ZC2HC1B: variants seen among roughly 807,000 people sequenced by gnomAD.
The protein encoded by ZC2HC1B is zinc finger C2HC-type containing 1B.
In ZC2HC1B, 36 loss-of-function variants were observed where a neutral mutation model predicts 31.0. That is an observed-to-expected ratio of 1.16 (90% CI 0.89 to 1.54). The LOEUF (loss-of-function observed/expected upper bound fraction) is 1.54. ZC2HC1B is among the 40% of genes most tolerant of loss of function. The probability of loss-of-function intolerance (pLI) is 0.00; values close to 1 mark genes in which losing one functional copy is unlikely to be tolerated. For synonymous variants in ZC2HC1B, 73 were observed against 88.0 expected, an observed-to-expected ratio of 0.83 and a Z score of 0.95; for missense variants, 260 against 268.6, an observed-to-expected ratio of 0.97 and a Z score of 0.22.
At position 143,922,286 on chromosome 6, in the gene ZC2HC1B, T is replaced by A. The variant is rs981591361; in HGVS notation, c.599-15363T>A. On this transcript the variant is annotated intron_variant, in intron 6 of 7. Coordinates refer to ENST00000237275, the MANE Select transcript of ZC2HC1B (RefSeq NM_001013623.3). This position sits in a 1 kb window ranked among gnomAD's most constrained non-coding sequence, Gnocchi z 5.0. ...TGATCAAATCAGGGTATTTAAGATA[T>A]CTATGACCTCAAACATTTATTATTT... is the stretch of plus-strand genomic sequence containing the variant. Among the ~76,000 whole-genome samples the A allele has an allele frequency of 6.6e-6, 1 of 152,218 alleles. No homozygotes were observed. The highest frequency in any genetic ancestry group is 1.5e-5 in the Non-Finnish European group (1 of 68,036).
chr6:143,880,718 A>G (rs1000083456), intron 1 of ZC2HC1B, among the ~76,000 whole-genome samples: 1 of 152,068 alleles, frequency 6.6e-6, no homozygotes, highest in African/African-American at 2.4e-5. Flanking sequence ...ACAAATGAGC[A>G]TGGCTGTGTT....
chr6:143,865,921 T>G lies in ZC2HC1B; in HGVS notation c.28+1354T>G, dbSNP rs768073496. On this transcript the variant is annotated intron_variant, in intron 1 of 7. Transcript: ENST00000237275. This position sits in a 1 kb window ranked among gnomAD's most constrained non-coding sequence, Gnocchi z 4.4. ...ACCTCCAACTCCCGGGTTCAGGCGA[T>G]TCCCCTGCCTCAGCCTCCCGAGTAG... Among the ~76,000 whole-genome samples the G allele has an allele frequency of 6.6e-6, 1 of 152,230 alleles. No homozygotes were observed. The highest frequency in any genetic ancestry group is 6.5e-5 in the Admixed American group (1 of 15,292).
chr6:143,864,948 A>C (rs564884079), intron 1 of ZC2HC1B, among the ~76,000 whole-genome samples: 1 of 152,340 alleles, frequency 6.6e-6, no homozygotes, highest in Non-Finnish European at 1.5e-5. Context: ...CAAGAGTCTT[A>C]ATAGGCATTG....
Position 143,903,104 on chromosome 6 carries a change from C to G in ZC2HC1B, c.550C>G (p.Leu184Val). Reference protein sequence around the residue: ...PTVTSAVGALLQNRVLVATNE... With the variant: ...PTVTSAVGALVQNRVLVATNE... ...TGTTACCAGTGCTGTGGGAGCTTTGCTGCAGAACAGGGTCCTGGTGGCCAC... is the reference window on the plus strand; with the variant it reads ...TGTTACCAGTGCTGTGGGAGCTTTGGTGCAGAACAGGGTCCTGGTGGCCAC... Residue 184 changes from leucine to valine, a missense_variant, in exon 6 of 8, where the codon CTG (leucine) becomes GTG (valine). Transcript: ENST00000237275. This position sits in a 1 kb window ranked among gnomAD's most constrained non-coding sequence, Gnocchi z 4.3. The G allele has an allele frequency of 6.4e-7, 1 of 1,552,078 alleles. No individual in the cohort carries two copies. The highest frequency in any genetic ancestry group is 8.7e-7 in the Non-Finnish European group (1 of 1,147,068).
intron 4 of ZC2HC1B, 126 bp from the exon 5 acceptor site, chr6:143,898,426 G>T (rs1777694664): frequency 8.2e-7 from 1 of 1,226,686 alleles, no homozygotes; most frequent in Non-Finnish European, 1.1e-6. Flanking sequence ...CTCACAGAGT[G>T]CTGGGATTAC....
rs921667360 is a variant in ZC2HC1B at position 143,886,545 on chromosome 6, T to G, written c.211-138T>G. The G allele has an allele frequency of 2.4e-6, 2 of 850,526 alleles. No individual in the cohort carries two copies. The highest frequency in any genetic ancestry group is 4.0e-5 in the Admixed American group (1 of 25,014). The allele number at this position is 850,526 out of a possible 1,614,324, so 52.7% of individuals were successfully genotyped here. The stretch of plus-strand genomic sequence containing the variant: ...GTACTTTCCAAACCTCTTTAAGGAG[T>G]ACTTTTGAAAAACAAACTCTCCTTT... On this transcript the variant is annotated intron_variant, in intron 3 of 7. Coordinates refer to ENST00000237275, the MANE Select transcript of ZC2HC1B (RefSeq NM_001013623.3). The surrounding 1 kb of genome is among the most constrained non-coding windows in gnomAD (Gnocchi z 4.2).
chr6:143,884,227 T>C lies in ZC2HC1B; in HGVS notation c.29-77T>C. 1.5e-6 allele frequency: 2 copies of C among 1,328,270 alleles called. No homozygotes were observed. The highest frequency in any genetic ancestry group is 1.0e-6 in the Non-Finnish European group (1 of 969,236). The allele number at this position is 1,328,270 out of a possible 1,614,324, so 82.3% of individuals were successfully genotyped here. A position where few individuals can be genotyped will look rare whatever the true frequency, so the allele number is the denominator to read the frequency against. ...GAGTGAGGATATCAAGCTATTGAGG[T>C]CACCTCCAGTCAGTCATTTCTTCTC... On this transcript the variant is annotated intron_variant, in intron 1 of 7. Coordinates refer to ENST00000237275, the MANE Select transcript of ZC2HC1B (RefSeq NM_001013623.3). The surrounding 1 kb of genome is among the most constrained non-coding windows in gnomAD (Gnocchi z 5.1).
intron 4 of ZC2HC1B, among the ~76,000 whole-genome samples, chr6:143,894,954 C>G (rs1777647706): frequency 6.6e-6 from 1 of 152,100 alleles, no homozygotes; most frequent in African/African-American, 2.4e-5. Flanking sequence ...ACCAAATGTT[C>G]AATTTATTTT....
In ZC2HC1B at chr6:143,871,417, GC is replaced by G. The variant is rs1777333714; in HGVS notation, c.28+6852del. ...GCTGAAGGCAAATTGCTTCTGGTGG[GC>G]CTTACAGACAGGAATGGAGAAAAGG... On this transcript the variant is annotated intron_variant, in intron 1 of 7. Transcript: ENST00000237275. The surrounding 1 kb of genome is among the most constrained non-coding windows in gnomAD (Gnocchi z 4.1). 6.6e-6 allele frequency among the ~76,000 whole-genome samples: 1 copy of G among 152,240 alleles called. No homozygotes were observed. Among genetic ancestry groups the G allele is most frequent in the African/African-American group, 2.4e-5 (1 of 41,466 alleles).
At chr6:143,896,623 A>T (rs1050773567) in intron 4 of ZC2HC1B, among the ~76,000 whole-genome samples, 1 of 152,098 alleles carries the variant, frequency 6.6e-6, no homozygotes, top group Non-Finnish European at 1.5e-5. Flanking sequence ...AGTATGTTCC[A>T]CCCCGCCCAC....
rs369064361 is a variant in ZC2HC1B at position 143,918,354 on chromosome 6, G to GT, written c.598+15209dup. On this transcript the variant is annotated intron_variant, in intron 6 of 7. Transcript: ENST00000237275. The surrounding 1 kb of genome is among the most constrained non-coding windows in gnomAD (Gnocchi z 4.1). ...CTGTATATGAGATTTTTGGTTGACA[G>GT]TTTTTTTCTTTTACCACTTTGAATA... Among the ~76,000 whole-genome samples, 1 of 152,034 alleles carries GT rather than the reference G, an allele frequency of 6.6e-6. No homozygotes were observed. Among genetic ancestry groups the GT allele is most frequent in the Non-Finnish European group, 1.5e-5 (1 of 68,008 alleles).
At chr6:143,904,004 G>A (rs1035403095) in intron 6 of ZC2HC1B, among the ~76,000 whole-genome samples, 1 of 152,190 alleles carries the variant, frequency 6.6e-6, no homozygotes, top group Non-Finnish European at 1.5e-5. Context: ...CTTCAAAGTA[G>A]CAACAAGGCA....
chr6:143,919,199 T>C (rs1204025708), intron 6 of ZC2HC1B, among the ~76,000 whole-genome samples: 2 of 150,256 alleles, frequency 1.3e-5, no homozygotes, highest in Non-Finnish European at 3.0e-5. Context: ...TTCTCCCTTC[T>C]GCAGGGTTTG....
chr6:143,880,756 A>T (rs1353189615), intron 1 of ZC2HC1B, among the ~76,000 whole-genome samples: 1 of 152,196 alleles, frequency 6.6e-6, no homozygotes, highest in African/African-American at 2.4e-5. Context: ...ACAAAAAAAA[A>T]AGGCGTCAGA....
chr6:143,909,940 T>A (rs568242636), intron 6 of ZC2HC1B, among the ~76,000 whole-genome samples: 1 of 152,364 alleles, frequency 6.6e-6, no homozygotes, highest in South Asian at 2.1e-4. Context: ...TGATTATTTC[T>A]TGTCTTCTAC....
intron 5 of ZC2HC1B, among the ~76,000 whole-genome samples, chr6:143,900,390 CAAAA>C (rs200482247): frequency 1.2e-5 from 1 of 84,416 alleles, no homozygotes; most frequent in Non-Finnish European, 2.4e-5. Context: ...AACTCCGTCT[CAAAA>C]AAAAAAAAAA....
chr6:143,934,304 A>G lies in ZC2HC1B; in HGVS notation c.599-3345A>G, dbSNP rs2128498047. On this transcript the variant is annotated intron_variant, in intron 6 of 7. Transcript: ENST00000237275. This position sits in a 1 kb window ranked among gnomAD's most constrained non-coding sequence, Gnocchi z 4.6. ...GCTCCTGCAGTTGTTCCTGGAGCAA[A>G]CGACCACAGAGTGAGTGTCCACACG... 6.6e-6 allele frequency among the ~76,000 whole-genome samples: 1 copy of G among 152,252 alleles called. No individual in the cohort carries two copies. The highest frequency in any genetic ancestry group is 1.9e-4 in the East Asian group (1 of 5,180).
chr6:143,912,020 T>C (rs747137637), intron 6 of ZC2HC1B, among the ~76,000 whole-genome samples: 1 of 152,230 alleles, frequency 6.6e-6, no homozygotes, highest in Admixed American at 6.5e-5. Context: ...AAGATAGTCT[T>C]CAAGCTCTGA....
At chr6:143,927,949 CTA>C (rs1778071386) in intron 6 of ZC2HC1B, among the ~76,000 whole-genome samples, 1 of 151,994 alleles carries the variant, frequency 6.6e-6, no homozygotes, top group African/African-American at 2.4e-5. Flanking sequence ...TGAAAAATGT[CTA>C]TGTTCTTTGC....
Sources: allele counts gnomAD v4.1 joint callset (sites outside exome capture counted in the v4.1 genomes callset), GRCh38; gene constraint gnomAD v4.1.1; non-coding constraint Gnocchi (gnomAD v3.1); transcripts MANE v1.5; gene names NCBI Gene and HGNC (gene_info 2026-07-23, HGNC 2026-07-21).